ZDHHC3: variants seen among roughly 807,000 people sequenced by gnomAD.
ZDHHC3 encodes the protein zDHHC palmitoyltransferase 3.
ZDHHC3 carries 9 observed loss-of-function variants against 30.6 expected under a neutral mutation model. The observed-to-expected ratio is 0.29, with a 90% CI of 0.18 to 0.51. ZDHHC3 has a LOEUF of 0.51. Among genes scored for constraint, ZDHHC3 ranks in the 20% least tolerant of loss-of-function variants. ZDHHC3 has a pLI of 0.97. For synonymous variants in ZDHHC3, 136 were observed against 140.2 expected (o/e 0.97, Z 0.21); for missense variants, 246 against 384.2 (o/e 0.64, Z 3.01).
intron 2 of ZDHHC3, among the ~76,000 whole-genome samples, chr3:44,955,289 T>C (rs1575898523): frequency 6.6e-6 from 1 of 152,034 alleles, no homozygotes; most frequent in East Asian, 1.9e-4. Context: ...CCCACTTCCC[T>C]TTTCTTTTCA....
At chr3:44,933,778 G>C in intron 4 of ZDHHC3, 110 bp downstream of exon 4, 1 of 982,482 alleles carries the variant, frequency 1.0e-6, no homozygotes, top group Non-Finnish European at 1.6e-6. Flanking sequence ...AGATCTACAG[G>C]GCCAGGCAGT....
rs148007027 is a variant in ZDHHC3 at position 44,959,217 on chromosome 3, C to G, written c.220G>C (p.Val74Leu). 11 of 1,614,222 alleles carry G rather than the reference C, an allele frequency of 6.8e-6. No individual in the cohort carries two copies. The South Asian group carries it at 9.9e-5, about 14-fold the overall frequency. ...ACAATTCCGTTGATGATGCTATACA[C>G]GTAGTCTCGAGATGGAATCAGCATG... ...FVMLIPSRDY[V>L]YSIINGIVFN... The change falls in exon 2 of 7, where the codon GTG becomes CTG. Residue 74 changes from valine (V) to leucine (L), a missense_variant. Transcript: ENST00000424952. The surrounding 1 kb of genome is among the most constrained non-coding windows in gnomAD (Gnocchi z 4.3).
chr3:44,920,120 T>G lies in ZDHHC3; in HGVS notation c.*6569A>C, dbSNP rs916497283. ...AATCCAAGTTTTACCAATGAGCCAA[T>G]GTTACTTTTATAATCAGAACAAAAA... On this transcript the variant is annotated 3_prime_UTR_variant, in exon 7 of 7. Coordinates refer to ENST00000424952, the MANE Select transcript of ZDHHC3 (RefSeq NM_001135179.2). The G allele has an allele frequency of 6.5e-5, 80 of 1,231,646 alleles. No individual in the cohort carries two copies. The highest frequency in any genetic ancestry group is 1.1e-4 in the African/African-American group (7 of 64,170). 76.3% of individuals were successfully genotyped at this position (1,231,646 alleles called of 1,614,324 possible).
intron 2 of ZDHHC3, chr3:44,958,676 G>T: frequency 6.5e-7 from 1 of 1,536,094 alleles, no homozygotes; most frequent in South Asian, 1.2e-5. Flanking sequence ...GGCCATTTCC[G>T]TGCAGGTTCC....
chr3:44,945,491 A>C (rs1385696548), intron 2 of ZDHHC3, among the ~76,000 whole-genome samples, 199 bp from the exon 3 acceptor site: 1 of 152,190 alleles, frequency 6.6e-6, no homozygotes, highest in Non-Finnish European at 1.5e-5. Context: ...TTTTCTGAGG[A>C]GATGCCATTA....
rs557837736 is a variant in ZDHHC3, at chr3:44,918,382, G to A, written c.*8307C>T. On this transcript the variant is annotated 3_prime_UTR_variant, in exon 7 of 7. Transcript: ENST00000424952. ...TGGAGGAACACAGCAAGCAGGGCCC[G>A]CCTGGTGGACTGACGTGTTCTCCAC... 2.0e-5 allele frequency: 20 copies of A among 985,328 alleles called. No homozygotes were observed. The East Asian group carries it at 5.7e-4, about 28-fold the overall frequency. The allele number at this position is 985,328 out of a possible 1,614,324, so 61.0% of individuals were successfully genotyped here.
rs1575753912 is a variant in ZDHHC3, at chr3:44,921,492, AAT to A, written c.*5195_*5196del. The A allele has an allele frequency of 1.0e-6, 1 of 985,470 alleles. No homozygotes were observed. Among genetic ancestry groups the A allele is most frequent in the East Asian group, 1.1e-4 (1 of 8,820 alleles). The allele number at this position is 985,470 out of a possible 1,614,324, so 61.0% of individuals were successfully genotyped here. The stretch of plus-strand genomic sequence containing the variant: ...CACAACTCCCTAAGCTTCATAAAAC[AAT>A]ACTTATCCTGCAATATGTAATGCAT... On this transcript the variant is annotated 3_prime_UTR_variant, in exon 7 of 7. Transcript: ENST00000424952.
At chr3:44,961,685 C>A (rs1249940959) in intron 1 of ZDHHC3, among the ~76,000 whole-genome samples, 1 of 152,212 alleles carries the variant, frequency 6.6e-6, no homozygotes, top group Non-Finnish European at 1.5e-5. Flanking sequence ...GCTGACATCA[C>A]ACAATGATTC....
At position 44,925,332 on chromosome 3, in the gene ZDHHC3, C is replaced by T. The variant is rs1467564705; in HGVS notation, c.*1357G>A. The T allele has an allele frequency of 1.0e-6, 1 of 985,742 alleles. No individual in the cohort carries two copies. Among genetic ancestry groups the T allele is most frequent in the African/African-American group, 1.7e-5 (1 of 57,240 alleles). The allele number at this position is 985,742 out of a possible 1,614,324, so 61.1% of individuals were successfully genotyped here. ...AATAAACCTTAACTCCTACCCCCAC[C>T]CCAAGCAAAAGCTAAAAAAGGGGGT... On this transcript the variant is annotated 3_prime_UTR_variant, in exon 7 of 7. Coordinates refer to ENST00000424952, the MANE Select transcript of ZDHHC3 (RefSeq NM_001135179.2).
At chr3:44,962,495 A>G (rs950294174) in intron 1 of ZDHHC3, among the ~76,000 whole-genome samples, 1 of 112,202 alleles carries the variant, frequency 8.9e-6, no homozygotes, top group Non-Finnish European at 1.8e-5. Flanking sequence ...AAAGGGAGAG[A>G]GAAGGAAGGA....
Position 44,917,654 on chromosome 3 carries a change from CTT to C in ZDHHC3, c.*9033_*9034del. The stretch of plus-strand genomic sequence containing the variant: ...TTGATGAGCCGTCTCAGTGCAGACT[CTT>C]CTTAGATGAACTCTGAGAAAGCCCC... On this transcript the variant is annotated 3_prime_UTR_variant, in exon 7 of 7. Transcript: ENST00000424952. 2.7e-6 allele frequency: 1 copy of C among 365,142 alleles called. No individual in the cohort carries two copies. Among genetic ancestry groups the C allele is most frequent in the Admixed American group, 3.8e-5 (1 of 26,054 alleles). The allele number at this position is 365,142 out of a possible 1,614,324, so 22.6% of individuals were successfully genotyped here.
chr3:44,960,996 AG>A (rs1559714795), intron 1 of ZDHHC3, among the ~76,000 whole-genome samples: 1 of 152,264 alleles, frequency 6.6e-6, no homozygotes, highest in Non-Finnish European at 1.5e-5. Context: ...GCTGAAAGGC[AG>A]CTAAATGTGC....
intron 2 of ZDHHC3, among the ~76,000 whole-genome samples, chr3:44,948,927 G>C (rs1221984387): frequency 6.6e-6 from 1 of 152,252 alleles, no homozygotes; most frequent in Non-Finnish European, 1.5e-5. Flanking sequence ...AGGATGAGGA[G>C]CCAAAGGCTC....
chr3:44,969,115 G>A (rs949998750), intron 1 of ZDHHC3, among the ~76,000 whole-genome samples: 1 of 152,198 alleles, frequency 6.6e-6, no homozygotes, highest in Non-Finnish European at 1.5e-5. Flanking sequence ...AACACTTGCC[G>A]ATGACGGTGA....
intron 3 of ZDHHC3, among the ~76,000 whole-genome samples, chr3:44,935,213 C>A (rs927889664): frequency 6.6e-6 from 1 of 152,170 alleles, no homozygotes; most frequent in Non-Finnish European, 1.5e-5. Flanking sequence ...TAGAGAGGCA[C>A]TGAAATAAGA....
intron 2 of ZDHHC3, among the ~76,000 whole-genome samples, chr3:44,951,743 G>A (rs1176008949): frequency 6.6e-6 from 1 of 152,112 alleles, no homozygotes; most frequent in Non-Finnish European, 1.5e-5. Flanking sequence ...TACTGTTCAT[G>A]CACCTGTCCC....
chr3:44,962,207 T>G (rs896008010), intron 1 of ZDHHC3, among the ~76,000 whole-genome samples: 1 of 152,170 alleles, frequency 6.6e-6, no homozygotes, highest in African/African-American at 2.4e-5. Flanking sequence ...TCACTGAAAA[T>G]AAATTTTAGA....
rs1337981849 is a variant in ZDHHC3 at position 44,924,038 on chromosome 3, A to G, written c.*2651T>C. On this transcript the variant is annotated 3_prime_UTR_variant, in exon 7 of 7. Transcript: ENST00000424952. Reference sequence around the variant, plus strand: ...GAAAGCAAGCTGGGGATCACAATCCAACAAGCCACATCTTTATTTTTCACT... The same window carrying G: ...GAAAGCAAGCTGGGGATCACAATCCGACAAGCCACATCTTTATTTTTCACT... 1 of 985,326 alleles carries G rather than the reference A, an allele frequency of 1.0e-6. No individual in the cohort carries two copies. Among genetic ancestry groups the G allele is most frequent in the African/African-American group, 1.7e-5 (1 of 57,242 alleles). The allele number at this position is 985,326 out of a possible 1,614,324, so 61.0% of individuals were successfully genotyped here.
rs775113300 is a variant in ZDHHC3 at position 44,933,159 on chromosome 3, A to G, written c.569T>C (p.Val190Ala). ...AAAGCAATGCAGGAAGTGGAATCCC[A>G]CCATGATGAGGGCGTGCAAGGAAAT... is the stretch of plus-strand genomic sequence containing the variant. The part of the protein sequence containing the change: ...ALISLHALIM[V>A]GFHFLHCFEE... The change falls in exon 5 of 7, where the codon GTG becomes GCG. Residue 190 changes from valine to alanine, a missense_variant. Physicochemically the swap from Val to Ala is moderately conservative, Grantham distance 64 (BLOSUM62 0). Coordinates refer to ENST00000424952, the MANE Select transcript of ZDHHC3 (RefSeq NM_001135179.2). The G allele has an allele frequency of 1.1e-5, 18 of 1,614,192 alleles. No homozygotes were observed. In the South Asian group the frequency reaches 2.0e-4, roughly 18 times the overall value.
Sources: allele counts gnomAD v4.1 joint callset (sites outside exome capture counted in the v4.1 genomes callset), GRCh38; gene constraint gnomAD v4.1.1; non-coding constraint Gnocchi (gnomAD v3.1); transcripts MANE v1.5; gene names NCBI Gene and HGNC (gene_info 2026-07-23, HGNC 2026-07-21).